Variants in EBAG9 observed in about 807,000 individuals in gnomAD.
EBAG9 encodes receptor-binding cancer antigen expressed on SiSo cells.
EBAG9 carries 16 observed loss-of-function variants against 30.9 expected under a neutral mutation model. That is an observed-to-expected ratio of 0.52 (90% CI 0.35 to 0.79). The LOEUF is 0.79. Among genes scored for constraint, EBAG9 ranks in the 30% least tolerant of loss-of-function variants. The probability of loss-of-function intolerance (pLI) is 0.01; values close to 1 mark genes in which losing one functional copy is unlikely to be tolerated. For missense variants in EBAG9, 197 were observed against 242.1 expected, an observed-to-expected ratio of 0.81 and a Z score of 1.24; for synonymous variants, 93 against 82.8, an observed-to-expected ratio of 1.12 and a Z score of -0.67.
intron 1 of EBAG9, among the ~76,000 whole-genome samples, chr8:109,547,394 T>C (rs1299742145): frequency 1.3e-5 from 2 of 152,190 alleles, no homozygotes; most frequent in African/African-American, 4.8e-5. Context: ...AGGTATGTAA[T>C]AATTTCTCAC....
chr8:109,557,554 T>A (rs1447630040), intron 5 of EBAG9, among the ~76,000 whole-genome samples: 30 of 152,156 alleles, frequency 2.0e-4, no homozygotes, highest in Non-Finnish European at 1.5e-5. Context: ...GACCCCTCCC[T>A]ACCTAAGCTT....
chr8:109,561,827 C>T (rs1821715940), intron 6 of EBAG9, among the ~76,000 whole-genome samples: 1 of 149,744 alleles, frequency 6.7e-6, no homozygotes, highest in East Asian at 1.9e-4. Context: ...GCAGAGGGTG[C>T]AGCTAAATAA....
In EBAG9 at chr8:109,544,205, T is replaced by G. The variant is rs549202696; in HGVS notation, c.-16+3744T>G. On this transcript the variant is annotated intron_variant, in intron 1 of 6. Coordinates refer to ENST00000337573, the MANE Select transcript of EBAG9 (RefSeq NM_004215.5). ...AAGGTATATAGCTGTCCCTTTAATGTGGTCACATGATAATTATTACTTAAG... is the reference window on the plus strand; with the variant it reads ...AAGGTATATAGCTGTCCCTTTAATGGGGTCACATGATAATTATTACTTAAG... Among the ~76,000 whole-genome samples the G allele has an allele frequency of 2.9e-4, 44 of 152,318 alleles. 1 individual carries two copies. In the South Asian group the frequency reaches 9.1e-3, roughly 32 times the overall value.
chr8:109,553,073 T>C (rs979646957), intron 2 of EBAG9, among the ~76,000 whole-genome samples: 2 of 152,340 alleles, frequency 1.3e-5, no homozygotes, highest in Admixed American at 1.3e-4. Flanking sequence ...GATGCTTTTT[T>C]TTTTTATAGA....
intron 4 of EBAG9, among the ~76,000 whole-genome samples, chr8:109,556,154 A>G (rs147849837): frequency 5.3e-5 from 8 of 152,198 alleles, no homozygotes; most frequent in African/African-American, 1.9e-4. Context: ...TCAAACATAG[A>G]AAATATTTTT....
chr8:109,563,622 GATGTGCAGGTTTGTTACACAGGTAAAC>G, intron 6 of EBAG9: 1 of 1,381,174 alleles, frequency 7.2e-7, no homozygotes. Context: ...ACATGTGCAG[GATGTGCAGGTTTGTTACACAGGTAAAC>G]ATGTGTCAAG....
chr8:109,550,003 T>C (rs1563654200), intron 1 of EBAG9, among the ~76,000 whole-genome samples: 2 of 152,100 alleles, frequency 1.3e-5, no homozygotes, highest in South Asian at 2.1e-4. Flanking sequence ...TTCTTTCTTA[T>C]TCAATCTAAC....
At chr8:109,547,771 C>A (rs868247340) in intron 1 of EBAG9, among the ~76,000 whole-genome samples, 1 of 152,124 alleles carries the variant, frequency 6.6e-6, no homozygotes, top group Admixed American at 6.5e-5. Context: ...TGAGCCACCA[C>A]GCCTGGCCTT....
intron 1 of EBAG9, among the ~76,000 whole-genome samples, chr8:109,544,456 A>G (rs1313417818): frequency 6.6e-6 from 1 of 152,166 alleles, no homozygotes; most frequent in African/African-American, 2.4e-5. Flanking sequence ...TGATTTTGTT[A>G]TTACCTGGTT....
chr8:109,547,283 T>G (rs1023939026), intron 1 of EBAG9, among the ~76,000 whole-genome samples: 1 of 152,224 alleles, frequency 6.6e-6, no homozygotes, highest in African/African-American at 2.4e-5. Flanking sequence ...AAAGTGGTTG[T>G]ACATTTTACT....
chr8:109,541,049 A>AT (rs148524460), intron 1 of EBAG9, among the ~76,000 whole-genome samples: 2,202 of 151,650 alleles, frequency 0.015, 60 homozygotes, highest in African/African-American at 0.051. Context: ...TTTTAATTGT[A>AT]TTTTTTTTCC....
chr8:109,554,985 C>CTT (rs371168760), intron 4 of EBAG9, 98 bp downstream of exon 4: 303 of 957,276 alleles, frequency 3.2e-4, no homozygotes, highest in Non-Finnish European at 3.7e-4. Flanking sequence ...AAGCCTATTT[C>CTT]TTTTTTTTTT....
chr8:109,546,884 G>A (rs556109643), intron 1 of EBAG9, among the ~76,000 whole-genome samples: 1 of 152,156 alleles, frequency 6.6e-6, no homozygotes, highest in Admixed American at 6.5e-5. Context: ...TTTTATTGCT[G>A]AGTAGTAAGT....
rs756687342 is a variant in EBAG9, at chr8:109,560,975, T to G, written c.521+46T>G. 6.6e-6 allele frequency: 10 copies of G among 1,509,152 alleles called. No homozygotes were observed. In the South Asian group the frequency reaches 1.1e-4, roughly 17 times the overall value. The allele number at this position is 1,509,152 out of a possible 1,614,324, so 93.5% of individuals were successfully genotyped here. A position where few individuals can be genotyped will look rare whatever the true frequency, so the allele number is the denominator to read the frequency against. ...TTGCAACCTGAGTAGAAGAACTAGA[T>G]TTCTTCCCTGCTGTGTTTCAAGTCA... On this transcript the variant is annotated intron_variant, in intron 6 of 6. Coordinates refer to ENST00000337573, the MANE Select transcript of EBAG9 (RefSeq NM_004215.5).
At chr8:109,551,039 A>C (rs1042771888) in intron 2 of EBAG9, 132 bp downstream of exon 2, 1 of 595,482 alleles carries the variant, frequency 1.7e-6, no homozygotes, top group Non-Finnish European at 3.0e-6. Context: ...TTTATTCATT[A>C]ATTCCTAGTC....
At chr8:109,562,110 C>T (rs544826600) in intron 6 of EBAG9, among the ~76,000 whole-genome samples, 7 of 151,686 alleles carry the variant, frequency 4.6e-5, no homozygotes, top group Non-Finnish European at 1.0e-4. Flanking sequence ...TTTTAAAAAA[C>T]AAATAATAGA....
chr8:109,546,429 G>A (rs1821386026), intron 1 of EBAG9, among the ~76,000 whole-genome samples: 1 of 152,162 alleles, frequency 6.6e-6, no homozygotes, highest in Non-Finnish European at 1.5e-5. Context: ...GTTTCGTCAT[G>A]TCTGTCAGTG....
At chr8:109,562,417 G>A (rs184385256) in intron 6 of EBAG9, among the ~76,000 whole-genome samples, 91 of 152,144 alleles carry the variant, frequency 6.0e-4, no homozygotes, top group South Asian at 1.2e-3. Flanking sequence ...GCTTCATGCC[G>A]CAAGTACATA....
chr8:109,543,295 A>G (rs1372669255), intron 1 of EBAG9, among the ~76,000 whole-genome samples: 2 of 151,942 alleles, frequency 1.3e-5, no homozygotes, highest in East Asian at 3.9e-4. Flanking sequence ...TGCTAAGGTA[A>G]CATTTTAGAG....
Sources: gnomAD v4.1 joint callset for allele counts (sites outside exome capture counted in the v4.1 genomes callset) on GRCh38, gnomAD v4.1.1 for gene constraint, MANE v1.5 for transcripts, NCBI Gene and HGNC (gene_info 2026-07-23, HGNC 2026-07-21) for gene names.